The following TCTN2 variants were observed in gnomAD, a reference collection of about 807,000 sequenced individuals.
The protein encoded by TCTN2 is tectonic-2.
A neutral mutation model predicts 83.4 loss-of-function variants in TCTN2; 66 were observed. The observed-to-expected ratio is 0.79, with a 90% CI of 0.65 to 0.97. TCTN2 has a LOEUF of 0.97. Among genes scored for constraint, TCTN2 ranks in the 50% least tolerant of loss-of-function variants. The pLI is 0.00. For synonymous variants in TCTN2, 301 were observed against 326.7 expected (o/e 0.92, Z 0.85); for missense variants, 794 against 858.1 (o/e 0.93, Z 0.93).
intron 4 of TCTN2, among the ~76,000 whole-genome samples, chr12:123,678,478 G>A (rs1004198738): frequency 6.6e-6 from 1 of 152,154 alleles, no homozygotes; most frequent in African/African-American, 2.4e-5. Context: ...ATTAGAGACA[G>A]GGTTTCACTA....
chr12:123,704,668 G>A lies in TCTN2; in HGVS notation c.1749G>A (p.Glu583=), dbSNP rs750388936. ...AGAVEGITQQ[E]ILGVETRFSS... is the part of the protein sequence containing the mutation. The stretch of plus-strand genomic sequence containing the variant: ...CGGTGGAAGGGATTACTCAGCAGGA[G>A]ATACTCGGTGTAGAGACAAGGTATG... The change falls in exon 15 of 18, where the codon GAG becomes GAA. Residue 583 remains glutamate (E), a synonymous_variant. Transcript: ENST00000303372. The A allele has an allele frequency of 6.2e-7, 1 of 1,613,530 alleles. No individual in the cohort carries two copies. Among genetic ancestry groups the A allele is most frequent in the Non-Finnish European group, 8.5e-7 (1 of 1,179,946 alleles).
rs1270664567 is a variant in TCTN2, at chr12:123,671,142, C to T, written c.-99C>T. 3 of 1,184,984 alleles carry T rather than the reference C, an allele frequency of 2.5e-6. No individual in the cohort carries two copies. The highest frequency in any genetic ancestry group is 1.5e-5 in the African/African-American group (1 of 66,066). The allele number at this position is 1,184,984 out of a possible 1,614,324, so 73.4% of individuals were successfully genotyped here. A position where few individuals can be genotyped will look rare whatever the true frequency, so the allele number is the denominator to read the frequency against. The stretch of plus-strand genomic sequence containing the variant: ...CTCCGGGCGTTCGCTTGCAAGATGG[C>T]GGCGGCGGGGCAGTGGCTGCTGCGT... On this transcript the variant is annotated 5_prime_UTR_variant, in exon 1 of 18. Coordinates refer to ENST00000303372, the MANE Select transcript of TCTN2 (RefSeq NM_024809.5).
intron 4 of TCTN2, among the ~76,000 whole-genome samples, chr12:123,677,883 G>A (rs890340883): frequency 3.3e-5 from 5 of 152,056 alleles, no homozygotes; most frequent in Non-Finnish European, 5.9e-5. Flanking sequence ...CCCCGCCTTG[G>A]CCTCCCAAAG....
Position 123,695,146 on chromosome 12 carries a change from G to A in TCTN2, c.1235-74G>A. On this transcript the variant is annotated intron_variant, in intron 10 of 17. Transcript: ENST00000303372. ...TTGTATGACAAAATGCAATTTTAAG[G>A]TAAACACTATGGAGAATAATTTCTT... 6 of 1,388,364 alleles carry A rather than the reference G, an allele frequency of 4.3e-6. No homozygotes were observed. The African/African-American group carries it at 8.6e-5, about 20-fold the overall frequency. The allele number at this position is 1,388,364 out of a possible 1,614,324, so 86.0% of individuals were successfully genotyped here.
chr12:123,675,907 GA>G (rs895825834), intron 4 of TCTN2, among the ~76,000 whole-genome samples: 53 of 149,626 alleles, frequency 3.5e-4, no homozygotes, highest in African/African-American at 1.0e-3. Flanking sequence ...ATTCAATGAT[GA>G]AAAAAAAAAT....
At chr12:123,705,541 A>G (rs1001720076) in intron 15 of TCTN2, among the ~76,000 whole-genome samples, 4 of 152,184 alleles carry the variant, frequency 2.6e-5, no homozygotes, top group African/African-American at 9.7e-5. Flanking sequence ...TCAAGTTCAG[A>G]GTAATCCACA....
At chr12:123,688,018 T>C (rs1593848800) in intron 6 of TCTN2, 33 bp from the exon 7 acceptor site, 1 of 1,612,542 alleles carries the variant, frequency 6.2e-7, no homozygotes, top group East Asian at 2.2e-5. Context: ...AGCAGATAAC[T>C]GAAACTATTC....
chr12:123,675,195 G>A (rs192798859), intron 4 of TCTN2, among the ~76,000 whole-genome samples: 1 of 152,282 alleles, frequency 6.6e-6, no homozygotes, highest in African/African-American at 2.4e-5. Flanking sequence ...AGCTTTTGAT[G>A]CTACAGCAAA....
chr12:123,678,162 C>T (rs997247559), intron 4 of TCTN2, among the ~76,000 whole-genome samples: 1 of 152,210 alleles, frequency 6.6e-6, no homozygotes, highest in African/African-American at 2.4e-5. Context: ...ACCCAGCCCC[C>T]CATACTCTCG....
chr12:123,684,450 G>A lies in TCTN2; in HGVS notation c.565-2386G>A, dbSNP rs548660377. Among the ~76,000 whole-genome samples the A allele has an allele frequency of 2.7e-4, 40 of 150,610 alleles. No individual in the cohort carries two copies. In the South Asian group the frequency reaches 6.8e-3, roughly 25 times the overall value. The stretch of plus-strand genomic sequence containing the variant: ...GAGTCTTGATCCGTCGCCCAGGCTG[G>A]AGTACAGTGGTGCGATCTCGGCCCG... On this transcript the variant is annotated intron_variant, in intron 5 of 17. Coordinates refer to ENST00000303372, the MANE Select transcript of TCTN2 (RefSeq NM_024809.5).
At chr12:123,691,878 T>C (rs1377439806) in intron 8 of TCTN2, among the ~76,000 whole-genome samples, 3 of 146,428 alleles carry the variant, frequency 2.0e-5, no homozygotes, top group Admixed American at 6.8e-5. Context: ...ATTACAGGCA[T>C]GTGCCACCAC....
At chr12:123,681,443 T>G (rs1158077918) in intron 5 of TCTN2, among the ~76,000 whole-genome samples, 1 of 152,148 alleles carries the variant, frequency 6.6e-6, no homozygotes, top group African/African-American at 2.4e-5. Flanking sequence ...TGCCTCTGTC[T>G]CCATGAATTT....
intron 4 of TCTN2, among the ~76,000 whole-genome samples, chr12:123,677,753 C>T (rs528659820): frequency 1.3e-5 from 2 of 152,110 alleles, no homozygotes; most frequent in Non-Finnish European, 2.9e-5. Flanking sequence ...CTCTGTCTTC[C>T]ACCTACAGCT....
intron 6 of TCTN2, among the ~76,000 whole-genome samples, 184 bp downstream of exon 6, chr12:123,687,219 C>A (rs576487430): frequency 6.6e-6 from 1 of 152,126 alleles, no homozygotes; most frequent in Non-Finnish European, 1.5e-5. Context: ...AAGAATTGGG[C>A]CTCATTGAAA....
intron 5 of TCTN2, among the ~76,000 whole-genome samples, chr12:123,681,085 A>G (rs1302236247): frequency 6.6e-6 from 1 of 151,900 alleles, no homozygotes; most frequent in Admixed American, 6.6e-5. Flanking sequence ...CCTGGGCAAC[A>G]TGGCAAAACC....
intron 3 of TCTN2, among the ~76,000 whole-genome samples, chr12:123,672,767 C>T (rs1955772010): frequency 6.6e-6 from 1 of 151,546 alleles, no homozygotes; most frequent in Non-Finnish European, 1.5e-5. Context: ...AAAGAAAAAG[C>T]TGGTCAGGCG....
At chr12:123,683,570 G>A (rs1386660724) in intron 5 of TCTN2, among the ~76,000 whole-genome samples, 1 of 152,018 alleles carries the variant, frequency 6.6e-6, no homozygotes, top group Non-Finnish European at 1.5e-5. Context: ...GTGAGTCACC[G>A]TGGCTGGCCT....
intron 6 of TCTN2, 58 bp from the exon 7 acceptor site, chr12:123,687,993 G>A: frequency 6.2e-7 from 1 of 1,605,386 alleles, no homozygotes; most frequent in Non-Finnish European, 8.5e-7. Context: ...CAACATTAAG[G>A]AAGAATTGTG....
chr12:123,688,530 T>C (rs887282546), intron 7 of TCTN2, among the ~76,000 whole-genome samples: 4 of 151,996 alleles, frequency 2.6e-5, no homozygotes, highest in Admixed American at 2.6e-4. Flanking sequence ...ACCCTTCTTT[T>C]ATTTTTCCTG....
Sources: allele counts gnomAD v4.1 joint callset (sites outside exome capture counted in the v4.1 genomes callset), GRCh38; gene constraint gnomAD v4.1.1; transcripts MANE v1.5; gene names NCBI Gene and HGNC (gene_info 2026-07-23, HGNC 2026-07-21).